The following MNAT1 variants were observed in gnomAD, a reference collection of about 807,000 sequenced individuals.
MNAT1 encodes CDK-activating kinase assembly factor MAT1.
A neutral mutation model predicts 42.0 loss-of-function variants in MNAT1; 43 were observed. The observed-to-expected ratio is 1.02, with a 90% CI of 0.80 to 1.32. The LOEUF (loss-of-function observed/expected upper bound fraction) is 1.32. MNAT1 is among the 40% of genes most tolerant of loss of function. The probability of loss-of-function intolerance (pLI) is 0.00; values close to 1 mark genes in which losing one functional copy is unlikely to be tolerated. For synonymous variants in MNAT1, 118 were observed against 120.0 expected (o/e 0.98, Z 0.11); for missense variants, 306 against 350.4 (o/e 0.87, Z 1.01).
chr14:60,828,087 T>C (rs1370204756), intron 6 of MNAT1, among the ~76,000 whole-genome samples: 1 of 152,202 alleles, frequency 6.6e-6, no homozygotes, highest in Non-Finnish European at 1.5e-5. Flanking sequence ...ATTTGAATTT[T>C]GTTATTTCAG....
At chr14:60,833,732 A>G (rs2033291513) in intron 6 of MNAT1, among the ~76,000 whole-genome samples, 1 of 152,152 alleles carries the variant, frequency 6.6e-6, no homozygotes, top group Non-Finnish European at 1.5e-5. Flanking sequence ...ATTGTTTGGT[A>G]TAGTTTCAGG....
chr14:60,855,120 A>G (rs2033923478), intron 6 of MNAT1, among the ~76,000 whole-genome samples: 2 of 152,164 alleles, frequency 1.3e-5, no homozygotes, highest in South Asian at 4.1e-4. Context: ...CTGTCAGGGA[A>G]AACCACCTAC....
rs2034515523 is a variant in MNAT1, at chr14:60,879,928, T to G, written c.809+93T>G. The G allele has an allele frequency of 7.3e-6, 10 of 1,374,946 alleles. No individual in the cohort carries two copies. The South Asian group carries it at 1.5e-4, about 21-fold the overall frequency. The allele number at this position is 1,374,946 out of a possible 1,614,324, so 85.2% of individuals were successfully genotyped here. A position where few individuals can be genotyped will look rare whatever the true frequency, so the allele number is the denominator to read the frequency against. On this transcript the variant is annotated intron_variant, in intron 7 of 7. Coordinates refer to ENST00000261245, the MANE Select transcript of MNAT1 (RefSeq NM_002431.4). ...ATGTTAACATTCTTAGATTTTCAGT[T>G]TATAGAACTTTACTGTTTTGTGAAA...
intron 6 of MNAT1, among the ~76,000 whole-genome samples, chr14:60,868,931 T>C (rs891460408): frequency 6.6e-6 from 1 of 151,402 alleles, no homozygotes; most frequent in African/African-American, 2.4e-5. Flanking sequence ...AAGAGCATTT[T>C]AAAATTTATG....
chr14:60,897,957 G>C (rs574714569), intron 7 of MNAT1, among the ~76,000 whole-genome samples: 1 of 152,148 alleles, frequency 6.6e-6, no homozygotes, highest in East Asian at 1.9e-4. Flanking sequence ...ATGAGATCAA[G>C]TTTTTATGTG....
intron 7 of MNAT1, among the ~76,000 whole-genome samples, chr14:60,945,892 A>G (rs2036263855): frequency 6.6e-6 from 1 of 152,102 alleles, no homozygotes; most frequent in Non-Finnish European, 1.5e-5. Context: ...TCCCCTCTTT[A>G]TACTCAGCAA....
At chr14:60,877,395 A>G (rs2034456865) in intron 6 of MNAT1, among the ~76,000 whole-genome samples, 1 of 152,106 alleles carries the variant, frequency 6.6e-6, no homozygotes, top group Non-Finnish European at 1.5e-5. Context: ...ACTGTAATCC[A>G]GATGCAAGGA....
At chr14:60,943,040 G>T (rs2036205396) in intron 7 of MNAT1, among the ~76,000 whole-genome samples, 3 of 113,590 alleles carry the variant, frequency 2.6e-5, no homozygotes, top group Admixed American at 9.5e-5. Flanking sequence ...GTGTGTGTGT[G>T]TGTGTGTGTG....
intron 6 of MNAT1, among the ~76,000 whole-genome samples, chr14:60,874,458 C>T (rs771580138): frequency 6.6e-6 from 1 of 152,102 alleles, no homozygotes; most frequent in Admixed American, 6.6e-5. Context: ...CTGTTTCATT[C>T]TTCCATCTTT....
intron 7 of MNAT1, among the ~76,000 whole-genome samples, chr14:60,966,547 G>C (rs1964900): frequency 0.92 from 140,058 of 152,248 alleles, 64,904 homozygotes; most frequent in Non-Finnish European, 0.99. Context: ...GAGTCTCGCT[G>C]TGTCACCCAG....
At chr14:60,741,594 C>T (rs28887325) in intron 1 of MNAT1, among the ~76,000 whole-genome samples, 72 of 148,940 alleles carry the variant, frequency 4.8e-4, no homozygotes, top group African/African-American at 1.6e-3. Flanking sequence ...CTCCTGACCT[C>T]GTGATCCTCC....
intron 6 of MNAT1, among the ~76,000 whole-genome samples, chr14:60,867,439 A>T (rs1269848078): frequency 6.6e-6 from 1 of 152,090 alleles, no homozygotes; most frequent in South Asian, 2.1e-4. Flanking sequence ...AGAGCCTACC[A>T]TATATGTATC....
intron 6 of MNAT1, among the ~76,000 whole-genome samples, chr14:60,858,129 A>G (rs2034006877): frequency 6.6e-6 from 1 of 152,220 alleles, no homozygotes; most frequent in Admixed American, 6.5e-5. Flanking sequence ...TTCTAGTTCT[A>G]GATCCTAAAG....
chr14:60,903,781 T>C (rs992683921), intron 7 of MNAT1, among the ~76,000 whole-genome samples: 1 of 152,148 alleles, frequency 6.6e-6, no homozygotes, highest in African/African-American at 2.4e-5. Context: ...TAATATTGAC[T>C]TATTATATAT....
At chr14:60,874,629 A>G (rs978685026) in intron 6 of MNAT1, among the ~76,000 whole-genome samples, 1 of 152,138 alleles carries the variant, frequency 6.6e-6, no homozygotes, top group Non-Finnish European at 1.5e-5. Flanking sequence ...ACTTAAGTCT[A>G]TACCATACCA....
At chr14:60,912,698 G>A (rs116223825) in intron 7 of MNAT1, among the ~76,000 whole-genome samples, 2 of 152,152 alleles carry the variant, frequency 1.3e-5, no homozygotes, top group Admixed American at 6.6e-5. Flanking sequence ...TCAGCTGTTA[G>A]TTAGTCTGAT....
chr14:60,791,921 C>T (rs538740770), intron 1 of MNAT1, among the ~76,000 whole-genome samples: 2 of 152,190 alleles, frequency 1.3e-5, no homozygotes, highest in Admixed American at 1.3e-4. Flanking sequence ...ATCATCAACT[C>T]ATGGTGACGG....
intron 7 of MNAT1, 69 bp from the exon 8 acceptor site, chr14:60,968,160 T>C: frequency 8.5e-7 from 1 of 1,182,834 alleles, no homozygotes. Flanking sequence ...GTTTTACTAT[T>C]GCTTTTTAAA....
At chr14:60,797,653 C>T (rs1201293491) in intron 2 of MNAT1, among the ~76,000 whole-genome samples, 2 of 152,068 alleles carry the variant, frequency 1.3e-5, no homozygotes, top group African/African-American at 4.8e-5. Flanking sequence ...TTAGGCTGGG[C>T]GCGGTGGCTC....
Sources: allele counts gnomAD v4.1 joint callset (sites outside exome capture counted in the v4.1 genomes callset), GRCh38; gene constraint gnomAD v4.1.1; transcripts MANE v1.5; gene names NCBI Gene and HGNC (gene_info 2026-07-23, HGNC 2026-07-21).